ZBTB37: variants seen among roughly 807,000 people sequenced by gnomAD.
ZBTB37 encodes the protein zinc finger and BTB domain-containing protein 37.
A neutral mutation model predicts 37.7 loss-of-function variants in ZBTB37; 15 were observed. That is an observed-to-expected ratio of 0.40 (90% CI 0.27 to 0.61). The LOEUF is 0.61. ZBTB37 is among the 20% of genes least tolerant of loss of function. ZBTB37 has a pLI of 0.44. For missense variants in ZBTB37, 514 were observed against 641.9 expected (o/e 0.80, Z 2.15); for synonymous variants, 231 against 220.6 (o/e 1.05, Z -0.42).
intron 4 of ZBTB37, among the ~76,000 whole-genome samples, chr1:173,884,600 T>C (rs1656519289): frequency 6.6e-6 from 1 of 152,228 alleles, no homozygotes; most frequent in Non-Finnish European, 1.5e-5. Context: ...GAAAATAATA[T>C]GTTCATATGA....
At chr1:173,873,691 A>AT (rs1015974372) in intron 4 of ZBTB37, 125 bp downstream of exon 4, 130 of 1,418,370 alleles carry the variant, frequency 9.2e-5, no homozygotes, top group Admixed American at 2.7e-5. Flanking sequence ...GAAATACTGT[A>AT]TTTTTTTTCC....
At chr1:173,872,525 G>A (rs1251477103) in intron 3 of ZBTB37, among the ~76,000 whole-genome samples, 3 of 151,930 alleles carry the variant, frequency 2.0e-5, no homozygotes, top group Admixed American at 2.0e-4. Flanking sequence ...TTTGAGTATT[G>A]TCTTCCTGTG....
In ZBTB37 at chr1:173,870,760, A is replaced by G. The variant is rs751605943; in HGVS notation, c.535A>G (p.Ser179Gly). The change falls in exon 3 of 5, where the codon AGT becomes GGT. Residue 179 changes from serine to glycine, a missense_variant. This residue lies in a region of ZBTB37 where 323 missense variants were observed against 321.9 expected (regional missense o/e 1.00). Coordinates refer to ENST00000427304, the Ensembl canonical transcript of ZBTB37. ...AAAGGGAAACCGGCGAGGTCAGGTT[A>G]GTGCTGTGCTGGATATCAGAGAGCT... The G allele has an allele frequency of 2.0e-5, 32 of 1,614,220 alleles. No homozygotes were observed. The highest frequency in any genetic ancestry group is 3.3e-4 in the Middle Eastern group (2 of 6,062).
At chr1:173,870,272 A>G (rs1655458807) in exon 3 of ZBTB37, 1 of 1,613,970 alleles carries the variant, frequency 6.2e-7, no homozygotes, top group South Asian at 1.1e-5. Flanking sequence ...GACTTCAGCA[A>G]CTCTGTCCTG....
chr1:173,870,957 C>T lies in ZBTB37; in HGVS notation c.732C>T (p.His244=), dbSNP rs753060494. The T allele has an allele frequency of 6.2e-6, 10 of 1,614,244 alleles. No homozygotes were observed. In the South Asian group the frequency reaches 9.9e-5, roughly 16 times the overall value. The change falls in exon 3 of 5, where the codon CAC becomes CAT. Residue 244 remains histidine (H), a synonymous_variant. Coordinates refer to ENST00000427304, the Ensembl canonical transcript of ZBTB37. ...AAGTTAGAGTTCTTGGAGCAGTACA[C>T]ATCAAAACTGAAAATCTGGAGGAGT... is the stretch of plus-strand genomic sequence containing the variant.
chr1:173,873,072 A>G (rs541403782), intron 3 of ZBTB37, among the ~76,000 whole-genome samples: 9 of 152,322 alleles, frequency 5.9e-5, no homozygotes, highest in East Asian at 3.9e-4. Context: ...ATCTATATCA[A>G]TAGTCTAAAA....
intron 2 of ZBTB37, among the ~76,000 whole-genome samples, chr1:173,869,626 A>G (rs1655374282): frequency 7.0e-6 from 1 of 142,520 alleles, no homozygotes; most frequent in African/African-American, 2.9e-5. Flanking sequence ...TTTGCTTCAC[A>G]GCCCTATAAC....
intron 4 of ZBTB37, among the ~76,000 whole-genome samples, chr1:173,880,791 A>G (rs1293152935): frequency 6.6e-6 from 1 of 152,198 alleles, no homozygotes; most frequent in Non-Finnish European, 1.5e-5. Context: ...TTGTTCTTCT[A>G]TTGCAACTTC....
At chr1:173,886,106 C>G in exon 5 of ZBTB37, 2 of 1,551,210 alleles carry the variant, frequency 1.3e-6, no homozygotes, top group Non-Finnish European at 1.7e-6. Context: ...GCTCTGTGTC[C>G]ACCACTGGGC....
chr1:173,903,121 C>A (rs1468271280), exon 4 of ZBTB37: 3 of 152,114 alleles, frequency 2.0e-5, no homozygotes, highest in African/African-American at 7.2e-5. Context: ...CAGATTTGTT[C>A]TCCCTTCATT....
exon 4 of ZBTB37, chr1:173,900,476 AAACT>A (rs1349669552): frequency 2.0e-5 from 3 of 152,216 alleles, no homozygotes; most frequent in East Asian, 1.9e-4. Flanking sequence ...ACCACTGTTC[AAACT>A]AACTAGCTAC....
chr1:173,892,712 T>G (rs1656888564), exon 4 of ZBTB37: 1 of 152,204 alleles, frequency 6.6e-6, no homozygotes. Context: ...TTTACCATTA[T>G]CAATATATCA....
chr1:173,897,466 T>C (rs1459601872), exon 4 of ZBTB37: 1 of 152,194 alleles, frequency 6.6e-6, no homozygotes, highest in Non-Finnish European at 1.5e-5. Flanking sequence ...AAAAATAAAT[T>C]TGGCTTGCCA....
exon 4 of ZBTB37, chr1:173,896,190 GATTA>G (rs1371645199): frequency 6.6e-6 from 1 of 152,168 alleles, no homozygotes; most frequent in Non-Finnish European, 1.5e-5. Flanking sequence ...TAGGCATAAA[GATTA>G]ATTAGATTTT....
At chr1:173,878,214 T>G (rs573804925) in intron 4 of ZBTB37, among the ~76,000 whole-genome samples, 1 of 152,368 alleles carries the variant, frequency 6.6e-6, no homozygotes, top group African/African-American at 2.4e-5. Context: ...TTTAGGCTAC[T>G]ATTATAGCAT....
At chr1:173,886,321 C>A in exon 5 of ZBTB37, 1 of 776,198 alleles carries the variant, frequency 1.3e-6, no homozygotes, top group Non-Finnish European at 1.9e-6. Context: ...GCCCGCCTCA[C>A]ACTTTGGAAA....
intron 4 of ZBTB37, among the ~76,000 whole-genome samples, chr1:173,877,947 A>G (rs945893593): frequency 6.6e-6 from 1 of 152,218 alleles, no homozygotes; most frequent in East Asian, 1.9e-4. Context: ...AGCTTTTTCT[A>G]TGACATGAAG....
At chr1:173,889,015 T>C (rs943815032), downstream of ZBTB37, 2 of 152,234 alleles carry the variant, frequency 1.3e-5, no homozygotes, top group Non-Finnish European at 2.9e-5. Flanking sequence ...ATAGGGTGCT[T>C]CCTGGTCATC....
intron 4 of ZBTB37, among the ~76,000 whole-genome samples, chr1:173,876,995 G>A (rs1656010771): frequency 1.3e-5 from 2 of 152,154 alleles, no homozygotes; most frequent in Non-Finnish European, 2.9e-5. Flanking sequence ...GCATGTTACT[G>A]TACTGAATAC....
Sources: allele counts gnomAD v4.1 joint callset (sites outside exome capture counted in the v4.1 genomes callset), GRCh38; gene constraint gnomAD v4.1.1; regional missense constraint gnomAD v4.1.1; transcripts MANE v1.5; gene names NCBI Gene and HGNC (gene_info 2026-07-23, HGNC 2026-07-21).